The following RSU1 variants were observed in gnomAD, a reference collection of about 807,000 sequenced individuals.
RSU1 encodes Ras suppressor protein 1.
A neutral mutation model predicts 31.1 loss-of-function variants in RSU1; 26 were observed. That is an observed-to-expected ratio of 0.84 (90% CI 0.61 to 1.16). The LOEUF is 1.16. Among genes scored for constraint, RSU1 ranks in the 50% most tolerant of loss-of-function variants. The pLI is 0.00. For missense variants in RSU1, 320 were observed against 339.1 expected (o/e 0.94, Z 0.44); for synonymous variants, 164 against 136.3 (o/e 1.20, Z -1.41).
At chr10:16,657,379 G>A (rs1253164174) in intron 8 of RSU1, among the ~76,000 whole-genome samples, 1 of 152,110 alleles carries the variant, frequency 6.6e-6, no homozygotes, top group Non-Finnish European at 1.5e-5. Context: ...GTAAGAGTAT[G>A]TACGAATATG....
chr10:16,797,436 G>A (rs746283193), intron 2 of RSU1, among the ~76,000 whole-genome samples: 4 of 152,152 alleles, frequency 2.6e-5, no homozygotes, highest in African/African-American at 7.2e-5. Flanking sequence ...AAGCTATCTA[G>A]AACTAAGCCT....
At chr10:16,700,083 T>C (rs1252579722) in intron 7 of RSU1, among the ~76,000 whole-genome samples, 1 of 152,140 alleles carries the variant, frequency 6.6e-6, no homozygotes, top group Non-Finnish European at 1.5e-5. Flanking sequence ...CTTATGGAAA[T>C]TGGTTGTTTC....
chr10:16,640,759 C>A (rs1486140999), intron 8 of RSU1, among the ~76,000 whole-genome samples: 1 of 152,252 alleles, frequency 6.6e-6, no homozygotes, highest in African/African-American at 2.4e-5. Context: ...AGGGGTTCAG[C>A]TGGCTGTTGG....
rs1156847030 is a variant in RSU1 at position 16,718,959 on chromosome 10, C to T, written c.599-23804G>A. On this transcript the variant is annotated intron_variant, in intron 7 of 8. Transcript: ENST00000345264. ...TCATGCCAGTGCACTCCAGCCTGGG[C>T]AACAGAGAGTGAAACTTCATCTCAA... 6.9e-5 allele frequency among the ~76,000 whole-genome samples: 9 copies of T among 130,192 alleles called. No homozygotes were observed. The Admixed American group carries it at 7.9e-4, about 11-fold the overall frequency. The allele number at this position is 130,192 out of a possible 152,430, so 85.4% of individuals were successfully genotyped here. A position where few individuals can be genotyped will look rare whatever the true frequency, so the allele number is the denominator to read the frequency against.
At chr10:16,751,401 G>A (rs2131619020) in intron 7 of RSU1, among the ~76,000 whole-genome samples, 1 of 152,252 alleles carries the variant, frequency 6.6e-6, no homozygotes, top group East Asian at 1.9e-4. Context: ...CTTCCCAGCT[G>A]GTCCACGAAA....
At chr10:16,613,166 T>C (rs1833921799) in intron 8 of RSU1, among the ~76,000 whole-genome samples, 2 of 152,176 alleles carry the variant, frequency 1.3e-5, no homozygotes, top group Admixed American at 1.3e-4. Flanking sequence ...TAAAGGACAC[T>C]AACTCCAAAA....
intron 8 of RSU1, among the ~76,000 whole-genome samples, chr10:16,633,007 A>G (rs1388569067): frequency 1.3e-5 from 2 of 152,172 alleles, no homozygotes; most frequent in African/African-American, 4.8e-5. Flanking sequence ...TTGGCTATTT[A>G]TGGTACCTTT....
At chr10:16,612,672 A>T (rs6602137) in intron 8 of RSU1, among the ~76,000 whole-genome samples, 149,188 of 152,308 alleles carry the variant, frequency 0.98, 73,073 homozygotes, top group East Asian at 1. Context: ...CTCCAGCTAC[A>T]CTCTCTGTTA....
chr10:16,604,547 G>A (rs1351751061), intron 8 of RSU1, among the ~76,000 whole-genome samples: 1 of 151,840 alleles, frequency 6.6e-6, no homozygotes, highest in Non-Finnish European at 1.5e-5. Flanking sequence ...CTTCTGCCGC[G>A]ACCCTCCATG....
At chr10:16,628,893 C>A (rs1318161518) in intron 8 of RSU1, among the ~76,000 whole-genome samples, 2 of 152,078 alleles carry the variant, frequency 1.3e-5, no homozygotes, top group African/African-American at 4.8e-5. Flanking sequence ...AAAAATTCTC[C>A]CTCAACCACA....
chr10:16,611,460 C>G (rs1261712173), intron 8 of RSU1, among the ~76,000 whole-genome samples: 1 of 152,152 alleles, frequency 6.6e-6, no homozygotes, highest in Non-Finnish European at 1.5e-5. Flanking sequence ...CAACTGAAAA[C>G]TAAAGAAAAG....
At chr10:16,637,027 A>T (rs903810347) in intron 8 of RSU1, among the ~76,000 whole-genome samples, 3 of 152,192 alleles carry the variant, frequency 2.0e-5, no homozygotes, top group Non-Finnish European at 1.5e-5. Flanking sequence ...AATGAATAAT[A>T]AAAAAACGGC....
chr10:16,649,847 CCATT>C (rs201399993), intron 8 of RSU1, among the ~76,000 whole-genome samples: 29,603 of 152,040 alleles, frequency 0.19, 3,530 homozygotes, highest in South Asian at 0.36. Flanking sequence ...AAAAACCCCA[CCATT>C]CATACAGCAA....
At chr10:16,653,384 T>C (rs1175176173) in intron 8 of RSU1, among the ~76,000 whole-genome samples, 2 of 152,184 alleles carry the variant, frequency 1.3e-5, no homozygotes, top group Non-Finnish European at 2.9e-5. Context: ...CACAAAACAA[T>C]ACTCTGTTGT....
intron 8 of RSU1, among the ~76,000 whole-genome samples, chr10:16,595,326 G>A (rs1833593267): frequency 6.6e-6 from 1 of 152,112 alleles, no homozygotes; most frequent in South Asian, 2.1e-4. Context: ...TGGACACTAT[G>A]GTTTTGAAAG....
At chr10:16,612,639 T>A (rs948013162) in intron 8 of RSU1, among the ~76,000 whole-genome samples, 1 of 152,224 alleles carries the variant, frequency 6.6e-6, no homozygotes, top group African/African-American at 2.4e-5. Flanking sequence ...TTTGTTGTAA[T>A]GAACACTGAT....
intron 8 of RSU1, among the ~76,000 whole-genome samples, chr10:16,642,116 T>A (rs1004175250): frequency 6.6e-6 from 1 of 152,188 alleles, no homozygotes. Context: ...CAGTCTGATT[T>A]CAGTCTGATT....
In RSU1 at chr10:16,591,034, C is replaced by T. The variant is rs1473000815; in HGVS notation, c.*2360G>A. 6.6e-6 allele frequency: 1 copy of T among 152,214 alleles called. No homozygotes were observed. Among genetic ancestry groups the T allele is most frequent in the Non-Finnish European group, 1.5e-5 (1 of 68,066 alleles). The allele number at this position is 152,214 out of a possible 1,614,324, so 9.4% of individuals were successfully genotyped here. On this transcript the variant is annotated 3_prime_UTR_variant, in exon 9 of 9. Coordinates refer to ENST00000345264, the MANE Select transcript of RSU1 (RefSeq NM_012425.4). The stretch of plus-strand genomic sequence containing the variant: ...TCAATCAATTCTCCTGCCTCAGCCT[C>T]CTGAGCAGCTGGGACTACAGGCGCA...
chr10:16,651,352 C>A (rs1195198159), intron 8 of RSU1, among the ~76,000 whole-genome samples: 1 of 152,148 alleles, frequency 6.6e-6, no homozygotes, highest in East Asian at 1.9e-4. Flanking sequence ...AGTGTCAGTT[C>A]AAATGTACTT....
Sources: gnomAD v4.1 joint callset for allele counts (sites outside exome capture counted in the v4.1 genomes callset) on GRCh38, gnomAD v4.1.1 for gene constraint, MANE v1.5 for transcripts, NCBI Gene and HGNC (gene_info 2026-07-23, HGNC 2026-07-21) for gene names.